Variants in RABGAP1 observed in about 807,000 individuals in gnomAD.
RABGAP1 encodes rab GTPase-activating protein 1.
In RABGAP1, 23 loss-of-function variants were observed where a neutral mutation model predicts 137.6. That is an observed-to-expected ratio of 0.17 (90% CI 0.12 to 0.24). RABGAP1 has a LOEUF of 0.24. Ranked by LOEUF, RABGAP1 falls within the 10% of genes least tolerant of loss-of-function variation. The pLI, the probability that RABGAP1 is intolerant of heterozygous loss-of-function variation, is 1.00. For synonymous variants in RABGAP1, 451 were observed against 450.7 expected (o/e 1.00, Z -0.01); for missense variants, 906 against 1,275.8 (o/e 0.71, Z 4.42).
intron 13 of RABGAP1, among the ~76,000 whole-genome samples, chr9:123,037,869 T>G (rs775328714): frequency 3.3e-5 from 5 of 152,134 alleles, no homozygotes; most frequent in Admixed American, 1.3e-4. Context: ...ATGCAACATT[T>G]GATGACATTT....
Position 123,074,909 on chromosome 9 carries a change from A to C in RABGAP1, c.2253+481A>C, listed in dbSNP as rs116410692. Among the ~76,000 whole-genome samples, 425 of 152,262 alleles carry C rather than the reference A, an allele frequency of 2.8e-3. 2 individuals are homozygous for C. Among genetic ancestry groups the C allele is most frequent in the African/African-American group, 9.9e-3 (410 of 41,560 alleles). The stretch of plus-strand genomic sequence containing the variant: ...CCTGGAAGTTCCATCCAGTATTTCC[A>C]CTTTATGGTCAGAACTTAGTTACAT... On this transcript the variant is annotated intron_variant, in intron 17 of 25. Coordinates refer to ENST00000373647, the MANE Select transcript of RABGAP1 (RefSeq NM_012197.4).
intron 13 of RABGAP1, among the ~76,000 whole-genome samples, chr9:123,041,281 A>G (rs981757801): frequency 1.3e-5 from 2 of 152,230 alleles, no homozygotes; most frequent in Non-Finnish European, 2.9e-5. Context: ...ATTCAAATCT[A>G]GGACTTCTGA....
In RABGAP1 at chr9:123,079,239, G is replaced by GTT. The variant is rs56098560; in HGVS notation, c.2424+2494_2424+2495dup. ...TTTTTTTGTTTTTTTGTTTTGTTTT[G>GTT]TTTTTTTTTTTTTTTTTTGAGACAG... On this transcript the variant is annotated intron_variant, in intron 19 of 25. Coordinates refer to ENST00000373647, the MANE Select transcript of RABGAP1 (RefSeq NM_012197.4). 4.8e-3 allele frequency among the ~76,000 whole-genome samples: 509 copies of GTT among 106,672 alleles called. 6 individuals are homozygous for GTT. The highest frequency in any genetic ancestry group is 0.014 in the African/African-American group (486 of 34,546). The allele number at this position is 106,672 out of a possible 152,430, so 70.0% of individuals were successfully genotyped here. A position where few individuals can be genotyped will look rare whatever the true frequency, so the allele number is the denominator to read the frequency against.
At chr9:122,997,207 C>T in intron 8 of RABGAP1, 52 bp from the exon 9 acceptor site, 1 of 1,389,258 alleles carries the variant, frequency 7.2e-7, no homozygotes, top group Non-Finnish European at 1.0e-6. Context: ...TGGGGGTTAA[C>T]TGTTGTTCAC....
In RABGAP1 at chr9:123,025,543, C is replaced by CTTTTTTTTT. The variant is rs577474947; in HGVS notation, c.1794+5093_1794+5101dup. Among the ~76,000 whole-genome samples the CTTTTTTTTT allele has an allele frequency of 9.1e-3, 682 of 74,846 alleles. 67 individuals are homozygous for CTTTTTTTTT. The highest frequency in any genetic ancestry group is 0.026 in the African/African-American group (575 of 22,292). 49.1% of individuals were successfully genotyped at this position (74,846 alleles called of 152,430 possible). ...TTTTATTTGTTCAGATCTTTCTTTT[C>CTTTTTTTTT]TTTTTTTTTTTTTTTTTGCCTTCAA... On this transcript the variant is annotated intron_variant, in intron 13 of 25. Coordinates refer to ENST00000373647, the MANE Select transcript of RABGAP1 (RefSeq NM_012197.4).
In RABGAP1 at chr9:123,065,337, T is replaced by C. The variant is rs553348321; in HGVS notation, c.1795-11T>C. On this transcript the variant is annotated splice_polypyrimidine_tract_variant and intron_variant, in intron 13 of 25. Transcript: ENST00000373647. ...CCTAACTAAACCCTCTCTTTCCTTA[T>C]GTTTCCACAGGAGTCTCCCCAGGAC... 4.8e-5 allele frequency: 75 copies of C among 1,568,998 alleles called. No individual in the cohort carries two copies. In the South Asian group the frequency reaches 7.1e-4, roughly 15 times the overall value.
chr9:123,096,927 G>A (rs1490248499), intron 21 of RABGAP1, among the ~76,000 whole-genome samples: 1 of 152,176 alleles, frequency 6.6e-6, no homozygotes, highest in African/African-American at 2.4e-5. Flanking sequence ...AGAAGATACA[G>A]GAAAGGAAAT....
At chr9:123,035,662 G>A (rs1446094072) in intron 13 of RABGAP1, 2 of 883,660 alleles carry the variant, frequency 2.3e-6, no homozygotes, top group African/African-American at 1.7e-5. Flanking sequence ...GTGTGTGTGT[G>A]TGTGTGTGTG....
intron 13 of RABGAP1, among the ~76,000 whole-genome samples, chr9:123,028,839 C>T (rs183258975): frequency 6.6e-6 from 1 of 152,238 alleles, no homozygotes; most frequent in Non-Finnish European, 1.5e-5. Flanking sequence ...AACATTCATA[C>T]GCTTTGGTTT....
At chr9:123,095,874 C>T (rs893793285) in intron 21 of RABGAP1, among the ~76,000 whole-genome samples, 2 of 152,100 alleles carry the variant, frequency 1.3e-5, no homozygotes, top group African/African-American at 4.8e-5. Flanking sequence ...TTGTTTTTCC[C>T]AGAAACTTTT....
chr9:122,991,700 T>A (rs1057451079), intron 6 of RABGAP1, among the ~76,000 whole-genome samples: 1 of 151,800 alleles, frequency 6.6e-6, no homozygotes, highest in Non-Finnish European at 1.5e-5. Flanking sequence ...CCTTCTGGTC[T>A]CAAGCAGTCC....
intron 17 of RABGAP1, among the ~76,000 whole-genome samples, chr9:123,076,023 G>C (rs2034497370): frequency 6.6e-6 from 1 of 152,168 alleles, no homozygotes; most frequent in Non-Finnish European, 1.5e-5. Flanking sequence ...TTGAATATGA[G>C]AACAGGGCAA....
intron 2 of RABGAP1, among the ~76,000 whole-genome samples, chr9:122,973,015 T>G (rs992638501): frequency 4.0e-5 from 6 of 151,804 alleles, no homozygotes; most frequent in Non-Finnish European, 8.8e-5. Flanking sequence ...TTTCTTTTTT[T>G]TTTAACCTAG....
intron 1 of RABGAP1, among the ~76,000 whole-genome samples, chr9:122,951,160 A>T (rs988542353): frequency 6.6e-6 from 1 of 152,132 alleles, no homozygotes; most frequent in Non-Finnish European, 1.5e-5. Context: ...TTTCAAGAAG[A>T]AAATCTCAAG....
intron 13 of RABGAP1, among the ~76,000 whole-genome samples, chr9:123,052,117 T>G (rs2033508757): frequency 6.6e-6 from 1 of 152,132 alleles, no homozygotes; most frequent in African/African-American, 2.4e-5. Flanking sequence ...AAGAAAAGCA[T>G]TTTAAAAAAT....
chr9:123,078,025 C>T (rs546815145), intron 19 of RABGAP1, among the ~76,000 whole-genome samples: 3 of 152,198 alleles, frequency 2.0e-5, no homozygotes, highest in East Asian at 3.9e-4. Flanking sequence ...TATAACACAT[C>T]TCAGGGGAGT....
At chr9:122,973,530 G>T (rs1835589564) in intron 2 of RABGAP1, among the ~76,000 whole-genome samples, 1 of 152,062 alleles carries the variant, frequency 6.6e-6, no homozygotes, top group Non-Finnish European at 1.5e-5. Context: ...ACCGAGCCTG[G>T]CCAGATCAGT....
chr9:123,028,665 A>G (rs573010423), intron 13 of RABGAP1, among the ~76,000 whole-genome samples: 5 of 152,342 alleles, frequency 3.3e-5, no homozygotes, highest in Admixed American at 1.3e-4. Flanking sequence ...TTCAGAAGGC[A>G]TATTTAAGGT....
intron 24 of RABGAP1, among the ~76,000 whole-genome samples, chr9:123,101,072 CATTTT>C (rs2035331180): frequency 6.6e-6 from 1 of 152,124 alleles, no homozygotes. Flanking sequence ...ATGTGGAATA[CATTTT>C]ATTTGTAATC....
Sources: gnomAD v4.1 joint callset for allele counts (sites outside exome capture counted in the v4.1 genomes callset) on GRCh38, gnomAD v4.1.1 for gene constraint, MANE v1.5 for transcripts, NCBI Gene and HGNC (gene_info 2026-07-23, HGNC 2026-07-21) for gene names.